The following PNPLA7 variants were observed in gnomAD, a reference collection of about 807,000 sequenced individuals.
PNPLA7 encodes the protein patatin like domain 7, lysophospholipase, also known as patatin-like phospholipase domain-containing protein 7.
In PNPLA7, 153 loss-of-function variants were observed where a neutral mutation model predicts 161.7. The ratio of observed to expected loss-of-function variants is 0.95; its 90% confidence interval spans 0.83 to 1.08. The LOEUF is 1.08. PNPLA7 is among the 50% of genes least tolerant of loss of function. The probability of loss-of-function intolerance (pLI) is 0.00; values close to 1 mark genes in which losing one functional copy is unlikely to be tolerated. For missense variants in PNPLA7, 1,739 were observed against 1,856.6 expected (o/e 0.94, Z 1.16); for synonymous variants, 809 against 782.1 (o/e 1.03, Z -0.57).
intron 20 of PNPLA7, among the ~76,000 whole-genome samples, chr9:137,485,291 G>A (rs899536402): frequency 6.6e-6 from 1 of 152,176 alleles, no homozygotes; most frequent in African/African-American, 2.4e-5. Flanking sequence ...GACAAACGCT[G>A]CAGGTGAGGC....
chr9:137,531,257 T>G (rs1835568074), intron 8 of PNPLA7, among the ~76,000 whole-genome samples: 1 of 151,926 alleles, frequency 6.6e-6, no homozygotes, highest in African/African-American at 2.4e-5. Context: ...GCAAGTCTCA[T>G]CTCCACTCTG....
intron 33 of PNPLA7, chr9:137,461,265 G>C (rs551438416): frequency 2.3e-6 from 1 of 428,126 alleles, no homozygotes; most frequent in South Asian, 3.6e-5. Flanking sequence ...GAGGCAAAAC[G>C]TGGTTCTACT....
intron 30 of PNPLA7, 161 bp from the exon 31 acceptor site, chr9:137,462,492 C>T: frequency 5.8e-6 from 8 of 1,390,868 alleles, no homozygotes; most frequent in Non-Finnish European, 7.6e-6. Context: ...CTGCGGGCTG[C>T]CACAGCCTTC....
intron 24 of PNPLA7, 51 bp from the exon 25 acceptor site, chr9:137,478,203 G>A (rs902048368): frequency 1.3e-5 from 16 of 1,221,858 alleles, no homozygotes; most frequent in African/African-American, 6.3e-5. Flanking sequence ...ACCCTCGGCC[G>A]AGACCTCGCA....
At chr9:137,502,070 C>A (rs1259087886) in intron 14 of PNPLA7, among the ~76,000 whole-genome samples, 1 of 152,218 alleles carries the variant, frequency 6.6e-6, no homozygotes, top group Non-Finnish European at 1.5e-5. Flanking sequence ...GCTGGCATAG[C>A]CAGCAGTGGG....
Position 137,460,653 on chromosome 9 carries a change from G to T in PNPLA7, c.3926C>A (p.Ala1309Asp). 1.9e-6 allele frequency: 3 copies of T among 1,612,708 alleles called. No homozygotes were observed. Among genetic ancestry groups the T allele is most frequent in the Non-Finnish European group, 2.5e-6 (3 of 1,179,864 alleles). Reference protein sequence around the residue: ...DAYADFQSTSAQQGSDLEDES... With the variant: ...DAYADFQSTSDQQGSDLEDES... Reference sequence around the variant, plus strand: ...CCTCACCAAGTCTGAGCCCTGCTGGGCTGAGGTGCTCTGGAAGTCTGCGTA... The same window carrying T: ...CCTCACCAAGTCTGAGCCCTGCTGGTCTGAGGTGCTCTGGAAGTCTGCGTA... Residue 1309 changes from alanine (A) to aspartate (D), a missense_variant, in exon 34 of 35, where the codon GCC becomes GAC. Physicochemically the swap from Ala to Asp is moderately radical, Grantham distance 126. Transcript: ENST00000406427.
chr9:137,460,544 G>T, intron 34 of PNPLA7, 68 bp from the exon 35 acceptor site: 2 of 1,597,210 alleles, frequency 1.3e-6, no homozygotes, highest in Non-Finnish European at 8.6e-7. Flanking sequence ...CTGGTAACCC[G>T]GTGGGACCAC....
At chr9:137,544,082 C>G (rs1324283033) in intron 4 of PNPLA7, among the ~76,000 whole-genome samples, 1 of 152,230 alleles carries the variant, frequency 6.6e-6, no homozygotes, top group African/African-American at 2.4e-5. Flanking sequence ...CCTGCTGGCC[C>G]CGCTGCCCCG....
At chr9:137,504,010 A>G (rs891223739) in intron 14 of PNPLA7, among the ~76,000 whole-genome samples, 4 of 137,990 alleles carry the variant, frequency 2.9e-5, no homozygotes, top group African/African-American at 8.4e-5. Flanking sequence ...AAGAAAGAAG[A>G]AGGAAGAAGA....
chr9:137,549,433 G>A (rs1456803742), intron 1 of PNPLA7, among the ~76,000 whole-genome samples: 1 of 151,916 alleles, frequency 6.6e-6, no homozygotes, highest in Non-Finnish European at 1.5e-5. Context: ...AGCCGGGCGT[G>A]GTGGTGGGCG....
At position 137,467,360 on chromosome 9, in the gene PNPLA7, C is replaced by T. The variant is rs771308200; in HGVS notation, c.2996G>A (p.Arg999Gln). 2.9e-5 allele frequency: 47 copies of T among 1,613,518 alleles called. No individual in the cohort carries two copies. The East Asian group carries it at 3.8e-4, about 13-fold the overall frequency. Residue 999 changes from arginine (R) to glutamine (Q), a missense_variant, in exon 26 of 35, where the codon CGG becomes CAG. Arg to Gln is a conservative substitution (Grantham distance 43). Around this residue, in one of 6 missense-constraint regions of PNPLA7, gnomAD observed 703 missense variants for 694.6 expected, o/e 1.01. Transcript: ENST00000406427. This position sits in a 1 kb window ranked among gnomAD's most constrained non-coding sequence, Gnocchi z 5.1. ...CCGGATCCGCATCTGGCTGTAGTTC[C>T]GCTCCTCAGAGTACAGGGCACCCAC... ...AFVGALYSEE[R>Q]NYSQMRIRAK...
chr9:137,504,091 A>G (rs566762835), intron 14 of PNPLA7, among the ~76,000 whole-genome samples: 46 of 141,274 alleles, frequency 3.3e-4, no homozygotes, highest in African/African-American at 1.2e-3. Context: ...AGAAGGAAGA[A>G]GAAGGAAGAA....
chr9:137,506,221 C>T, intron 12 of PNPLA7, 138 bp from the exon 13 acceptor site: 1 of 642,032 alleles, frequency 1.6e-6, no homozygotes, highest in Non-Finnish European at 2.7e-6. Context: ...CCTGAGATCC[C>T]TCCACACCCT....
chr9:137,520,013 C>T lies in PNPLA7; in HGVS notation c.988G>A (p.Ala330Thr), dbSNP rs1430085374. Reference sequence around the variant, plus strand: ...TTGGCCTTCCCGGCAGCCACACTGGCTACAGACACGAGAGGGATGGCCTGG... The same window carrying T: ...TTGGCCTTCCCGGCAGCCACACTGGTTACAGACACGAGAGGGATGGCCTGG... Reference protein sequence around the residue: ...ESQAIPLVSVASVAAGKAKKQ... With the variant: ...ESQAIPLVSVTSVAAGKAKKQ... Residue 330 changes from alanine (A) to threonine (T), a missense_variant, in exon 11 of 35, where the codon GCC becomes ACC. By Grantham distance (58) the Ala-to-Thr change is moderately conservative. Around this residue, in one of 6 missense-constraint regions of PNPLA7, gnomAD observed 152 missense variants for 193.5 expected, o/e 0.79. Transcript: ENST00000406427. The surrounding 1 kb of genome is among the most constrained non-coding windows in gnomAD (Gnocchi z 5.2). The T allele has an allele frequency of 6.2e-7, 1 of 1,612,576 alleles. No individual in the cohort carries two copies. The highest frequency in any genetic ancestry group is 8.5e-7 in the Non-Finnish European group (1 of 1,179,932).
rs976724307 is a variant in PNPLA7 at position 137,467,192 on chromosome 9, G to C, written c.3039+125C>G. 3 of 1,304,698 alleles carry C rather than the reference G, an allele frequency of 2.3e-6. No individual in the cohort carries two copies. The highest frequency in any genetic ancestry group is 3.1e-6 in the Non-Finnish European group (3 of 975,096). 80.8% of individuals were successfully genotyped at this position (1,304,698 alleles called of 1,614,324 possible). A position where few individuals can be genotyped will look rare whatever the true frequency, so the allele number is the denominator to read the frequency against. On this transcript the variant is annotated intron_variant, in intron 26 of 34. Coordinates refer to ENST00000406427, the MANE Select transcript of PNPLA7 (RefSeq NM_001098537.3). The surrounding 1 kb of genome is among the most constrained non-coding windows in gnomAD (Gnocchi z 5.1). ...CACAAGCTGCACTGGGAGGCTTCAG[G>C]GGGTAGCCTCCTCGAGGGCAGGGCC...
At chr9:137,548,972 C>A (rs911401210) in intron 1 of PNPLA7, among the ~76,000 whole-genome samples, 4 of 152,218 alleles carry the variant, frequency 2.6e-5, no homozygotes, top group African/African-American at 9.6e-5. Context: ...ATGTCCCTCA[C>A]TTAAGGAAGC....
At chr9:137,485,520 C>T (rs1832435134) in intron 20 of PNPLA7, among the ~76,000 whole-genome samples, 1 of 152,264 alleles carries the variant, frequency 6.6e-6, no homozygotes, top group Non-Finnish European at 1.5e-5. Context: ...ACATACTCTC[C>T]AGGTGAGGCC....
chr9:137,462,475 G>A, intron 30 of PNPLA7, 144 bp from the exon 31 acceptor site: 2 of 1,419,832 alleles, frequency 1.4e-6, no homozygotes, highest in African/African-American at 1.4e-5. Flanking sequence ...CCGGCCGGGG[G>A]TCCTCCCTGC....
At chr9:137,501,801 G>C in intron 14 of PNPLA7, 74 bp from the exon 15 acceptor site, 1 of 1,451,760 alleles carries the variant, frequency 6.9e-7, no homozygotes, top group Admixed American at 1.9e-5. Context: ...AGGCTGCACT[G>C]GGCTGTTCAG....
Sources: gnomAD v4.1 joint callset for allele counts (sites outside exome capture counted in the v4.1 genomes callset) on GRCh38, gnomAD v4.1.1 for gene constraint, gnomAD v4.1.1 regional missense constraint, Gnocchi (gnomAD v3.1) non-coding constraint, MANE v1.5 for transcripts, NCBI Gene and HGNC (gene_info 2026-07-23, HGNC 2026-07-21) for gene names.